NBEA: variants seen among roughly 807,000 people sequenced by gnomAD.
NBEA encodes the protein lysosomal-trafficking regulator 2.
A neutral mutation model predicts 343.4 loss-of-function variants in NBEA; 44 were observed. The ratio of observed to expected loss-of-function variants is 0.13; its 90% CI spans 0.10 to 0.16. The LOEUF (loss-of-function observed/expected upper bound fraction) is 0.16, where lower values mean the gene tolerates loss of function less well. Among genes scored for constraint, NBEA ranks in the 10% least tolerant of loss-of-function variants. The pLI is 1.00. For synonymous variants in NBEA, 1,175 were observed against 1,238.7 expected, an observed-to-expected ratio of 0.95 and a Z score of 1.08; for missense variants, 2,555 against 3,631.3, an observed-to-expected ratio of 0.70 and a Z score of 7.62.
chr13:35,084,253 C>T (rs1468598204), intron 10 of NBEA, among the ~76,000 whole-genome samples: 1 of 152,120 alleles, frequency 6.6e-6, no homozygotes, highest in African/African-American at 2.4e-5. Flanking sequence ...AACTCTCCAC[C>T]CCAGATCAGC....
chr13:35,244,128 G>T (rs1160760601), intron 34 of NBEA, among the ~76,000 whole-genome samples: 2 of 151,460 alleles, frequency 1.3e-5, no homozygotes, highest in South Asian at 2.1e-4. Flanking sequence ...ATAAAAACTA[G>T]AAGGAAATGT....
At chr13:35,151,646 T>G (rs1308740282) in intron 18 of NBEA, among the ~76,000 whole-genome samples, 1 of 152,126 alleles carries the variant, frequency 6.6e-6, no homozygotes, top group East Asian at 1.9e-4. Context: ...TCTTGATTAT[T>G]TTGAAAACCA....
chr13:35,216,821 G>GT (rs1221173428), intron 33 of NBEA, among the ~76,000 whole-genome samples: 2 of 151,828 alleles, frequency 1.3e-5, no homozygotes, highest in Admixed American at 1.3e-4. Context: ...GGACATTTAA[G>GT]TTTTTTTCCA....
intron 39 of NBEA, among the ~76,000 whole-genome samples, chr13:35,448,323 T>C (rs2046143752): frequency 6.6e-6 from 1 of 152,200 alleles, no homozygotes; most frequent in Admixed American, 6.5e-5. Flanking sequence ...TTACCCATGA[T>C]TTTTATATAA....
intron 31 of NBEA, among the ~76,000 whole-genome samples, chr13:35,205,624 C>T (rs529185289): frequency 6.6e-5 from 10 of 152,086 alleles, no homozygotes; most frequent in East Asian, 3.9e-4. Context: ...TAAAACTACA[C>T]GTATGAGATA....
chr13:35,458,355 G>A (rs1282080318), intron 40 of NBEA, among the ~76,000 whole-genome samples: 2 of 152,076 alleles, frequency 1.3e-5, no homozygotes, highest in East Asian at 1.9e-4. Context: ...AGACTAGATC[G>A]CTTAAAGACA....
At position 35,294,886 on chromosome 13, in the gene NBEA, T is replaced by A. The variant is rs545555524; in HGVS notation, c.5838+4436T>A. On this transcript the variant is annotated intron_variant, in intron 35 of 58. Coordinates refer to ENST00000379939, the MANE Select transcript of NBEA (RefSeq NM_001385012.1). ...CTATTCAGCATAAGCAGCGGAGAAT[T>A]GGGCTGAAGAAACAGCCTGAGCCCT... is the stretch of plus-strand genomic sequence containing the variant. Among the ~76,000 whole-genome samples the A allele has an allele frequency of 4.0e-5, 6 of 151,868 alleles. No individual in the cohort carries two copies. The South Asian group carries it at 1.2e-3, about 32-fold the overall frequency.
intron 30 of NBEA, 121 bp downstream of exon 30, chr13:35,184,192 T>C (rs1476175676): frequency 1.6e-6 from 1 of 638,358 alleles, no homozygotes; most frequent in African/African-American, 1.9e-5. Context: ...CATGGAGATA[T>C]GATATGTTGT....
At chr13:35,305,196 T>C (rs1285647994) in intron 35 of NBEA, among the ~76,000 whole-genome samples, 1 of 152,216 alleles carries the variant, frequency 6.6e-6, no homozygotes, top group Non-Finnish European at 1.5e-5. Flanking sequence ...CTAAGTTTTC[T>C]GGATGCCTGT....
At chr13:35,655,544 C>A (rs1425175809) in intron 54 of NBEA, 35 bp from the exon 55 acceptor site, 1 of 1,581,006 alleles carries the variant, frequency 6.3e-7, no homozygotes, top group Admixed American at 1.7e-5. Context: ...AAGAAAAAGA[C>A]TAAATGAAGC....
At chr13:35,494,967 C>T (rs2076625342) in intron 41 of NBEA, among the ~76,000 whole-genome samples, 1 of 151,630 alleles carries the variant, frequency 6.6e-6, no homozygotes, top group South Asian at 2.1e-4. Context: ...GCTGTGACCA[C>T]ACCACTGTGC....
At chr13:35,508,280 A>G (rs141281362) in intron 41 of NBEA, among the ~76,000 whole-genome samples, 8 of 152,338 alleles carry the variant, frequency 5.3e-5, no homozygotes, top group African/African-American at 1.9e-4. Context: ...TATAAGGGAC[A>G]GAATGCTGGC....
intron 10 of NBEA, among the ~76,000 whole-genome samples, chr13:35,075,918 C>T (rs899781900): frequency 4.6e-5 from 7 of 151,816 alleles, no homozygotes; most frequent in African/African-American, 1.4e-4. Flanking sequence ...GACCATGTTT[C>T]CTGATTTTTA....
At chr13:35,057,946 G>A (rs2063329875) in intron 7 of NBEA, among the ~76,000 whole-genome samples, 1 of 152,054 alleles carries the variant, frequency 6.6e-6, no homozygotes, top group South Asian at 2.1e-4. Flanking sequence ...ATTGCAGTAC[G>A]AAAAGTACTT....
chr13:35,518,189 A>T (rs1032323434), intron 41 of NBEA, among the ~76,000 whole-genome samples: 2 of 152,180 alleles, frequency 1.3e-5, no homozygotes, highest in Non-Finnish European at 1.5e-5. Flanking sequence ...TGCTCTTTTC[A>T]TATGACATTT....
chr13:35,578,782 C>T (rs1295269157), intron 45 of NBEA, among the ~76,000 whole-genome samples: 1 of 151,998 alleles, frequency 6.6e-6, no homozygotes, highest in Non-Finnish European at 1.5e-5. Flanking sequence ...TGCTTGGGAC[C>T]AGAAGTGTTT....
intron 1 of NBEA, among the ~76,000 whole-genome samples, chr13:34,947,458 T>C (rs992126467): frequency 1.3e-5 from 2 of 152,198 alleles, no homozygotes; most frequent in African/African-American, 4.8e-5. Flanking sequence ...TTTGTGTCAC[T>C]GGTATAGCTG....
At chr13:35,165,475 G>A (rs1263061269) in intron 24 of NBEA, among the ~76,000 whole-genome samples, 1 of 152,100 alleles carries the variant, frequency 6.6e-6, no homozygotes, top group Non-Finnish European at 1.5e-5. Flanking sequence ...AATCAAATTA[G>A]CAGCTGAACC....
intron 41 of NBEA, among the ~76,000 whole-genome samples, chr13:35,522,304 C>T (rs1479016116): frequency 1.3e-5 from 2 of 151,432 alleles, no homozygotes; most frequent in Non-Finnish European, 2.9e-5. Flanking sequence ...CCTGTCTCTA[C>T]TAAAAATACA....
Sources: allele counts gnomAD v4.1 joint callset (sites outside exome capture counted in the v4.1 genomes callset), GRCh38; gene constraint gnomAD v4.1.1; transcripts MANE v1.5; gene names NCBI Gene and HGNC (gene_info 2026-07-23, HGNC 2026-07-21).